Variants in ST6GALNAC3 observed in about 807,000 individuals in gnomAD.
ST6GALNAC3 encodes the protein ST6 N-acetylgalactosaminide alpha-2,6-sialyltransferase 3.
Under a neutral mutation model 32.7 loss-of-function variants are expected in ST6GALNAC3, and 25 were observed. The ratio of observed to expected loss-of-function variants is 0.76; its 90% CI spans 0.56 to 1.07. ST6GALNAC3 has a LOEUF of 1.07. Ranked by LOEUF, ST6GALNAC3 falls within the 50% of genes least tolerant of loss-of-function variation. The pLI is 0.00. For synonymous variants in ST6GALNAC3, 129 were observed against 133.1 expected (o/e 0.97, Z 0.21); for missense variants, 355 against 382.4 (o/e 0.93, Z 0.60).
At chr1:76,615,646 A>C (rs184267295) in intron 3 of ST6GALNAC3, among the ~76,000 whole-genome samples, 1 of 152,346 alleles carries the variant, frequency 6.6e-6, no homozygotes, top group Admixed American at 6.5e-5. Context: ...TGACTGTTAC[A>C]ATGTAGGAAA....
intron 1 of ST6GALNAC3, among the ~76,000 whole-genome samples, chr1:76,189,002 T>C (rs1653738725): frequency 6.6e-6 from 1 of 152,196 alleles, no homozygotes. Context: ...TCAGAGGATG[T>C]CAACATGGAG....
At chr1:76,391,006 C>G (rs1652498054) in intron 2 of ST6GALNAC3, among the ~76,000 whole-genome samples, 1 of 148,412 alleles carries the variant, frequency 6.7e-6, no homozygotes, top group African/African-American at 2.4e-5. Flanking sequence ...GTGGCACGAT[C>G]TTGGCTCACT....
downstream of ST6GALNAC3, among the ~76,000 whole-genome samples, chr1:76,635,354 A>G (rs1649478008): frequency 6.6e-6 from 1 of 152,230 alleles, no homozygotes. Flanking sequence ...TCAAAATGAG[A>G]GTCATCTTTG....
At position 76,618,467 on chromosome 1, in the gene ST6GALNAC3, A is replaced by G. The variant is rs573446873; in HGVS notation, c.624-8985A>G. 9.8e-5 allele frequency among the ~76,000 whole-genome samples: 15 copies of G among 152,336 alleles called. No homozygotes were observed. The East Asian group carries it at 2.5e-3, about 25-fold the overall frequency. ...GGATTAAATGAGACAACAAATGCAC[A>G]GTTATTAACACAATGTCTAGTACAT... On this transcript the variant is annotated intron_variant, in intron 3 of 4. Transcript: ENST00000328299.
chr1:76,091,316 A>G (rs1371865042), intron 1 of ST6GALNAC3, among the ~76,000 whole-genome samples: 1 of 152,240 alleles, frequency 6.6e-6, no homozygotes, highest in Non-Finnish European at 1.5e-5. Flanking sequence ...CTAAATTTAA[A>G]TGTAACCTTT....
intron 1 of ST6GALNAC3, among the ~76,000 whole-genome samples, chr1:76,222,656 T>G (rs1655841028): frequency 6.8e-6 from 1 of 146,630 alleles, no homozygotes; most frequent in Non-Finnish European, 1.5e-5. Flanking sequence ...AAACTTAAAG[T>G]ATAATAATAA....
At chr1:76,472,065 T>C (rs544685200) in intron 3 of ST6GALNAC3, among the ~76,000 whole-genome samples, 1 of 152,120 alleles carries the variant, frequency 6.6e-6, no homozygotes, top group Non-Finnish European at 1.5e-5. Flanking sequence ...AAGCATTGAT[T>C]TGTAGAGTCA....
intron 3 of ST6GALNAC3, among the ~76,000 whole-genome samples, chr1:76,625,137 C>T (rs1013908568): frequency 6.6e-6 from 1 of 151,986 alleles, no homozygotes; most frequent in Admixed American, 6.6e-5. Flanking sequence ...CCAATTCTAA[C>T]TGCACTCTGT....
chr1:76,265,682 C>T (rs759566055), intron 1 of ST6GALNAC3, among the ~76,000 whole-genome samples: 6 of 152,142 alleles, frequency 3.9e-5, no homozygotes, highest in Non-Finnish European at 7.3e-5. Context: ...TTGTTTGAAT[C>T]AGTTTCCGTA....
intron 1 of ST6GALNAC3, among the ~76,000 whole-genome samples, chr1:76,148,346 G>A (rs1379226360): frequency 6.6e-6 from 1 of 152,156 alleles, no homozygotes; most frequent in Non-Finnish European, 1.5e-5. Flanking sequence ...AGGAGAGAAT[G>A]TTCTACGAAT....
chr1:76,445,179 G>A (rs572494031), intron 3 of ST6GALNAC3, among the ~76,000 whole-genome samples: 1 of 152,246 alleles, frequency 6.6e-6, no homozygotes, highest in Non-Finnish European at 1.5e-5. Flanking sequence ...TCTCTACTAA[G>A]AAGACTTCCC....
chr1:76,279,163 T>G (rs1659354944), intron 1 of ST6GALNAC3, among the ~76,000 whole-genome samples: 1 of 152,160 alleles, frequency 6.6e-6, no homozygotes, highest in Non-Finnish European at 1.5e-5. Context: ...TAGACTGCAT[T>G]TGGACACACA....
At chr1:76,491,136 G>A (rs1660474575) in intron 3 of ST6GALNAC3, among the ~76,000 whole-genome samples, 2 of 152,240 alleles carry the variant, frequency 1.3e-5, no homozygotes, top group South Asian at 4.1e-4. Context: ...GGGATTACAG[G>A]TGTGAGCCAC....
chr1:76,140,203 G>A (rs571624564), intron 1 of ST6GALNAC3, among the ~76,000 whole-genome samples: 15 of 152,290 alleles, frequency 9.8e-5, no homozygotes, highest in African/African-American at 3.6e-4. Flanking sequence ...ATGCTCCGTG[G>A]AAGTAGATAT....
intron 3 of ST6GALNAC3, among the ~76,000 whole-genome samples, chr1:76,444,620 C>T (rs560575942): frequency 8.5e-5 from 13 of 152,146 alleles, no homozygotes; most frequent in Admixed American, 8.5e-4. Context: ...TGTCAGACAC[C>T]ATTGAGTACC....
At chr1:76,226,648 AG>A (rs35440524) in intron 1 of ST6GALNAC3, among the ~76,000 whole-genome samples, 1 of 152,114 alleles carries the variant, frequency 6.6e-6, no homozygotes, top group African/African-American at 2.4e-5. Context: ...TGGAAGGCAA[AG>A]GGGGAACAGG....
rs114473468 is a variant in ST6GALNAC3, at chr1:76,101,499, T to C, written c.18+26615T>C. On this transcript the variant is annotated intron_variant, in intron 1 of 4. Transcript: ENST00000328299. ...CACAGAATAAACACCTATATGAAGA[T>C]TTGTGTGGTAAGAGTGTTTTCAACA... Among the ~76,000 whole-genome samples, 189 of 152,300 alleles carry C rather than the reference T, an allele frequency of 1.2e-3. 1 individual carries two copies. The highest frequency in any genetic ancestry group is 4.2e-3 in the African/African-American group (173 of 41,558).
intron 1 of ST6GALNAC3, among the ~76,000 whole-genome samples, chr1:76,269,539 T>C (rs541269583): frequency 6.6e-6 from 1 of 152,356 alleles, no homozygotes; most frequent in African/African-American, 2.4e-5. Context: ...GGGAATATCC[T>C]TGGTGATTCC....
intron 1 of ST6GALNAC3, chr1:76,313,537 G>A (rs1485967603): frequency 1.3e-5 from 7 of 528,332 alleles, no homozygotes; most frequent in Non-Finnish European, 1.7e-5. Context: ...AACTGAATAG[G>A]AGTGTACAAG....
Sources: gnomAD v4.1 joint callset for allele counts (sites outside exome capture counted in the v4.1 genomes callset) on GRCh38, gnomAD v4.1.1 for gene constraint, MANE v1.5 for transcripts, NCBI Gene and HGNC (gene_info 2026-07-23, HGNC 2026-07-21) for gene names.